MUC20: variants seen among roughly 807,000 people sequenced by gnomAD.
The protein encoded by MUC20 is mucin 20, cell surface associated.
A neutral mutation model predicts 23.8 loss-of-function variants in MUC20; 14 were observed. The observed-to-expected ratio is 0.59, with a 90% CI of 0.39 to 0.92. The LOEUF (loss-of-function observed/expected upper bound fraction) is 0.92. Among genes scored for constraint, MUC20 ranks in the 40% least tolerant of loss-of-function variants. The pLI is 0.00. For synonymous variants in MUC20, 166 were observed against 279.3 expected, an observed-to-expected ratio of 0.59 and a Z score of 4.04; for missense variants, 375 against 668.8, an observed-to-expected ratio of 0.56 and a Z score of 4.85.
intron 2 of MUC20, among the ~76,000 whole-genome samples, chr3:195,727,551 C>T (rs1239746056): frequency 6.6e-6 from 1 of 152,278 alleles, no homozygotes; most frequent in Non-Finnish European, 1.5e-5. Context: ...TGCCCTTGGG[C>T]CTCATCTCTG....
intron 3 of MUC20, among the ~76,000 whole-genome samples, chr3:195,732,085 C>T (rs1377613906): frequency 7.2e-5 from 11 of 152,350 alleles, no homozygotes; most frequent in African/African-American, 2.6e-4. Flanking sequence ...CTCACCACAA[C>T]CTCCGCCTCC....
chr3:195,733,095 G>C, intron 3 of MUC20, 55 bp from the exon 4 acceptor site: 2 of 1,542,138 alleles, frequency 1.3e-6, no homozygotes, highest in South Asian at 2.4e-5. Flanking sequence ...CTCTGCCTCT[G>C]GCGAGCTCAT....
chr3:195,728,744 A>G (rs1316076264), intron 2 of MUC20, among the ~76,000 whole-genome samples: 1 of 151,154 alleles, frequency 6.6e-6, no homozygotes, highest in African/African-American at 2.4e-5. Context: ...CAGACTATAC[A>G]TGGGGAGAAA....
At chr3:195,730,840 A>G (rs1382985902) in intron 3 of MUC20, among the ~76,000 whole-genome samples, 3 of 152,244 alleles carry the variant, frequency 2.0e-5, no homozygotes, top group Non-Finnish European at 4.4e-5. Context: ...GTATTTGTAC[A>G]AGTTGGGAAA....
At chr3:195,727,772 T>G (rs933305522) in intron 2 of MUC20, among the ~76,000 whole-genome samples, 11 of 152,250 alleles carry the variant, frequency 7.2e-5, no homozygotes, top group African/African-American at 2.7e-4. Flanking sequence ...TGTTATCTGA[T>G]GCCAGGCAGT....
chr3:195,729,709 C>T lies in MUC20; in HGVS notation c.2031C>T (p.Asp677=). Residue 677 remains aspartate (D), a synonymous_variant, in exon 3 of 4, where the codon GAC becomes GAT. Transcript: ENST00000447234. ...LSVASPEDLT[D]PRVAERLMQQ... ...TGGCTTCCCCGGAAGACCTCACTGACCCCAGAGTGGCAGAAAGGCTGATGC... is the reference window on the plus strand; with the variant it reads ...TGGCTTCCCCGGAAGACCTCACTGATCCCAGAGTGGCAGAAAGGCTGATGC... 1.9e-6 allele frequency: 3 copies of T among 1,598,226 alleles called. No individual in the cohort carries two copies. Among genetic ancestry groups the T allele is most frequent in the South Asian group, 2.3e-5 (2 of 88,278 alleles).
At chr3:195,732,723 A>G (rs768876475) in intron 3 of MUC20, among the ~76,000 whole-genome samples, 13 of 152,256 alleles carry the variant, frequency 8.5e-5, no homozygotes, top group Non-Finnish European at 1.8e-4. Context: ...GGAATCGGAA[A>G]GAAACCGCGA....
chr3:195,724,462 C>A lies in MUC20; in HGVS notation c.77-218C>A, dbSNP rs1712414765. On this transcript the variant is annotated intron_variant, in intron 1 of 3. Coordinates refer to ENST00000447234, the MANE Select transcript of MUC20 (RefSeq NM_001282506.2). ...GGCCCCAAGTGAGTTGTCAGGGTTT[C>A]AGAGGACACCAGTCATGGCAACCCC... 2 of 491,790 alleles carry A rather than the reference C, an allele frequency of 4.1e-6. 1 individual carries two copies. Among genetic ancestry groups the A allele is most frequent in the African/African-American group, 8.6e-5 (2 of 23,264 alleles). The allele number at this position is 491,790 out of a possible 1,614,324, so 30.5% of individuals were successfully genotyped here.
chr3:195,726,624 G>A, intron 2 of MUC20, 52 bp downstream of exon 2: 1 of 1,561,356 alleles, frequency 6.4e-7, no homozygotes, highest in Non-Finnish European at 8.7e-7. Flanking sequence ...GGAGTTTCCA[G>A]GACGTCTCCG....
At chr3:195,727,364 TC>T in intron 2 of MUC20, among the ~76,000 whole-genome samples, 1 of 151,858 alleles carries the variant, frequency 6.6e-6, no homozygotes, top group Admixed American at 6.6e-5. Flanking sequence ...GGAGTGAAAC[TC>T]CGTCTCAAAA....
At chr3:195,722,071 C>T (rs1712181874) in intron 1 of MUC20, 1 of 201,214 alleles carries the variant, frequency 5.0e-6, no homozygotes, top group African/African-American at 2.4e-5. Context: ...TTCCCATCCC[C>T]ACCACTCACA....
chr3:195,729,161 GA>G (rs1713079123), intron 2 of MUC20, among the ~76,000 whole-genome samples: 1 of 152,246 alleles, frequency 6.6e-6, no homozygotes, highest in East Asian at 1.9e-4. Flanking sequence ...GGAAAGGTAC[GA>G]AAAGGTTCAC....
At chr3:195,732,646 C>T (rs1713515931) in intron 3 of MUC20, among the ~76,000 whole-genome samples, 1 of 152,258 alleles carries the variant, frequency 6.6e-6, no homozygotes, top group African/African-American at 2.4e-5. Flanking sequence ...TGGCGTGAGC[C>T]ACCGCACCCG....
intron 2 of MUC20, 23 bp from the exon 3 acceptor site, chr3:195,729,625 A>G (rs1577859651): frequency 1.3e-6 from 2 of 1,559,850 alleles, no homozygotes; most frequent in African/African-American, 1.4e-5. Flanking sequence ...CCTGATTTTC[A>G]TCTTACTGTT....
chr3:195,726,581 C>T lies in MUC20; in HGVS notation c.1969+9C>T, dbSNP rs745417286. ...CACAGACGTGAGTGCAGGTAAGTGGCTCCTGCTGGTGATCTTCGGGGATTT... is the reference window on the plus strand; with the variant it reads ...CACAGACGTGAGTGCAGGTAAGTGGTTCCTGCTGGTGATCTTCGGGGATTT... On this transcript the variant is annotated intron_variant, in intron 2 of 3. Coordinates refer to ENST00000447234, the MANE Select transcript of MUC20 (RefSeq NM_001282506.2). 1.1e-5 allele frequency: 18 copies of T among 1,602,226 alleles called. No individual in the cohort carries two copies. Among genetic ancestry groups the T allele is most frequent in the Non-Finnish European group, 1.5e-5 (18 of 1,172,070 alleles).
intron 3 of MUC20, among the ~76,000 whole-genome samples, chr3:195,731,899 A>G (rs1179039572): frequency 2.0e-5 from 3 of 152,088 alleles, no homozygotes; most frequent in African/African-American, 7.2e-5. Flanking sequence ...CGATGGCCAA[A>G]TAAGTGACAA....
intron 3 of MUC20, among the ~76,000 whole-genome samples, chr3:195,731,490 C>G (rs1033168575): frequency 6.6e-6 from 1 of 152,266 alleles, no homozygotes; most frequent in Non-Finnish European, 1.5e-5. Flanking sequence ...AGAATCAAAG[C>G]AATGCCAGGA....
intron 3 of MUC20, chr3:195,730,117 A>AG (rs1233758639): frequency 1.1e-5 from 2 of 185,852 alleles, no homozygotes; most frequent in African/African-American, 2.4e-5. Context: ...AAAAAAAAAA[A>AG]AAAAAGGCAA....
rs574862087 is a variant in MUC20, at chr3:195,725,985, T to A, written c.1382T>A (p.Leu461Gln). The stretch of plus-strand genomic sequence containing the variant: ...TCGTCCACCTCCGATCCACCAGCTC[T>A]GCCTGACTCCACTGAAGCAAAACCA... ...KASSTSDPPALPDSTEAKPHI... is the reference protein window; with the variant it reads ...KASSTSDPPAQPDSTEAKPHI... Residue 461 changes from leucine (L) to glutamine (Q), a missense_variant, in exon 2 of 4, where the codon CTG becomes CAG. Coordinates refer to ENST00000447234, the MANE Select transcript of MUC20 (RefSeq NM_001282506.2). The A allele has an allele frequency of 2.9e-5, 46 of 1,613,938 alleles. 1 individual carries two copies. The East Asian group carries it at 8.0e-4, about 28-fold the overall frequency.
Sources: gnomAD v4.1 joint callset for allele counts (sites outside exome capture counted in the v4.1 genomes callset) on GRCh38, gnomAD v4.1.1 for gene constraint, MANE v1.5 for transcripts, NCBI Gene and HGNC (gene_info 2026-07-23, HGNC 2026-07-21) for gene names.